Variants in ASIC2 observed in about 807,000 individuals in gnomAD.
ASIC2 encodes acid sensing ion channel subunit 2.
Under a neutral mutation model 57.3 loss-of-function variants are expected in ASIC2, and 25 were observed. That is an observed-to-expected ratio of 0.44 (90% CI 0.32 to 0.61). The LOEUF (loss-of-function observed/expected upper bound fraction) is 0.61, where lower values mean the gene tolerates loss of function less well. Ranked by LOEUF, ASIC2 falls within the 20% of genes least tolerant of loss-of-function variation. ASIC2 has a pLI of 0.06. For synonymous variants in ASIC2, 319 were observed against 307.5 expected, an observed-to-expected ratio of 1.04 and a Z score of -0.39; for missense variants, 641 against 738.1, an observed-to-expected ratio of 0.87 and a Z score of 1.52.
chr17:33,929,276 G>A (rs192035795), intron 1 of ASIC2, among the ~76,000 whole-genome samples: 5 of 152,102 alleles, frequency 3.3e-5, no homozygotes, highest in South Asian at 2.1e-4. Context: ...GCCCCCGACC[G>A]AGCTGTTTAC....
intron 1 of ASIC2, among the ~76,000 whole-genome samples, chr17:33,791,266 C>A (rs1027951519): frequency 1.3e-5 from 2 of 152,148 alleles, no homozygotes; most frequent in Non-Finnish European, 2.9e-5. Context: ...GAGAACATAG[C>A]ATGTCAGAGA....
At chr17:33,898,117 G>T (rs556052326) in intron 1 of ASIC2, among the ~76,000 whole-genome samples, 1 of 151,650 alleles carries the variant, frequency 6.6e-6, no homozygotes, top group Non-Finnish European at 1.5e-5. Flanking sequence ...CCCCAGGGGA[G>T]GTGCTCTGCC....
intron 1 of ASIC2, among the ~76,000 whole-genome samples, chr17:34,022,777 C>T (rs1907227700): frequency 6.6e-6 from 1 of 152,084 alleles, no homozygotes; most frequent in Admixed American, 6.5e-5. Flanking sequence ...TTTTACATTC[C>T]TCTTGCCCTC....
chr17:33,811,409 T>C (rs1322918167), intron 1 of ASIC2, among the ~76,000 whole-genome samples: 1 of 152,194 alleles, frequency 6.6e-6, no homozygotes, highest in Non-Finnish European at 1.5e-5. Context: ...CACGCTCATA[T>C]CCCTCCATGT....
chr17:34,132,410 A>G (rs78402753), intron 1 of ASIC2, among the ~76,000 whole-genome samples: 70,663 of 151,556 alleles, frequency 0.47, 16,782 homozygotes, highest in Middle Eastern at 0.54. Flanking sequence ...ATGGAGTGCG[A>G]GCCGGGTGGA....
chr17:33,411,602 G>A (rs987649470), intron 1 of ASIC2, among the ~76,000 whole-genome samples: 2 of 152,216 alleles, frequency 1.3e-5, no homozygotes, highest in African/African-American at 4.8e-5. Context: ...ATCTGCTCCA[G>A]TGGGGGTACA....
chr17:33,232,446 A>ATGGAATGGTATGGTATGGTATGGT (rs1567792727), intron 1 of ASIC2, among the ~76,000 whole-genome samples: 2 of 127,948 alleles, frequency 1.6e-5, no homozygotes, highest in African/African-American at 6.4e-5. Flanking sequence ...TATGGTATGG[A>ATGGAATGGTATGGTATGGTATGGT]ATGGTATGGT....
chr17:33,269,646 C>T (rs1904377017), intron 1 of ASIC2, among the ~76,000 whole-genome samples: 1 of 78,520 alleles, frequency 1.3e-5, no homozygotes, highest in Admixed American at 1.4e-4. Flanking sequence ...TTCCTTCCTT[C>T]CTTCCTTCCT....
At chr17:34,074,585 G>A (rs185534088) in intron 1 of ASIC2, among the ~76,000 whole-genome samples, 20 of 152,120 alleles carry the variant, frequency 1.3e-4, no homozygotes, top group African/African-American at 4.1e-4. Context: ...AAAGTATAGC[G>A]TTTATTGTTA....
rs1598238267 is a variant in ASIC2, at chr17:33,022,813, C to T, written c.1349+1048G>A. ...ACAGGTAACAAACAAGGAAACACAA[C>T]ATGAATATGTAATTACACACTGTGG... is the stretch of plus-strand genomic sequence containing the variant. On this transcript the variant is annotated intron_variant, in intron 6 of 9. Coordinates refer to ENST00000225823, the MANE Select transcript of ASIC2 (RefSeq NM_183377.2). Among the ~76,000 whole-genome samples, 5 of 152,184 alleles carry T rather than the reference C, an allele frequency of 3.3e-5. No individual in the cohort carries two copies. The South Asian group carries it at 1.0e-3, about 32-fold the overall frequency.
At chr17:33,789,038 GA>G (rs1049639286) in intron 1 of ASIC2, among the ~76,000 whole-genome samples, 12 of 151,906 alleles carry the variant, frequency 7.9e-5, no homozygotes, top group African/African-American at 2.9e-4. Flanking sequence ...AAGAAATAAA[GA>G]AAAAAAGTGT....
intron 1 of ASIC2, among the ~76,000 whole-genome samples, chr17:33,895,223 C>T (rs1915066536): frequency 6.6e-6 from 1 of 150,938 alleles, no homozygotes; most frequent in South Asian, 2.1e-4. Flanking sequence ...GGTGCAGAGG[C>T]ACAATCTTGG....
At chr17:33,033,676 T>C (rs547233819) in intron 3 of ASIC2, among the ~76,000 whole-genome samples, 8 of 152,246 alleles carry the variant, frequency 5.3e-5, no homozygotes, top group African/African-American at 1.9e-4. Flanking sequence ...AGGAGGCAGA[T>C]TGATTCCTGG....
At chr17:33,464,974 C>T (rs941108090) in intron 1 of ASIC2, among the ~76,000 whole-genome samples, 1 of 152,008 alleles carries the variant, frequency 6.6e-6, no homozygotes, top group Admixed American at 6.6e-5. Flanking sequence ...CCTTCAAGTC[C>T]ATTTGAATAC....
At chr17:33,548,426 G>A (rs749865084) in intron 1 of ASIC2, among the ~76,000 whole-genome samples, 2 of 152,200 alleles carry the variant, frequency 1.3e-5, no homozygotes, top group African/African-American at 2.4e-5. Flanking sequence ...TGCTTGTTCC[G>A]CTCAGTGTTT....
chr17:34,137,171 C>A (rs72822961), intron 1 of ASIC2, among the ~76,000 whole-genome samples: 2 of 152,274 alleles, frequency 1.3e-5, no homozygotes, highest in Non-Finnish European at 2.9e-5. Flanking sequence ...ATATCTGTAA[C>A]CTTCTAAAAA....
At chr17:33,588,733 G>C (rs1391230431) in intron 1 of ASIC2, among the ~76,000 whole-genome samples, 1 of 152,192 alleles carries the variant, frequency 6.6e-6, no homozygotes, top group Non-Finnish European at 1.5e-5. Flanking sequence ...CTTATACAAG[G>C]GGTCAAGTGT....
At chr17:33,479,651 G>A (rs1913338892) in intron 1 of ASIC2, among the ~76,000 whole-genome samples, 1 of 152,178 alleles carries the variant, frequency 6.6e-6, no homozygotes, top group African/African-American at 2.4e-5. Flanking sequence ...CAAAAGCCAT[G>A]CAGTCAAAGC....
chr17:33,483,453 A>T (rs1370527545), intron 1 of ASIC2, among the ~76,000 whole-genome samples: 1 of 152,240 alleles, frequency 6.6e-6, no homozygotes, highest in Non-Finnish European at 1.5e-5. Context: ...AAAGAAGGGA[A>T]GGAGGAAGAA....
Sources: allele counts gnomAD v4.1 joint callset (sites outside exome capture counted in the v4.1 genomes callset), GRCh38; gene constraint gnomAD v4.1.1; transcripts MANE v1.5; gene names NCBI Gene and HGNC (gene_info 2026-07-23, HGNC 2026-07-21).